PPFIA2: variants seen among roughly 807,000 people sequenced by gnomAD.
PPFIA2 encodes liprin-alpha-2.
In PPFIA2, 46 loss-of-function variants were observed where a neutral mutation model predicts 175.5. That is an observed-to-expected ratio of 0.26 (90% CI 0.21 to 0.34). The LOEUF (loss-of-function observed/expected upper bound fraction) is 0.34, where lower values mean the gene tolerates loss of function less well. PPFIA2 is among the 10% of genes least tolerant of loss of function. The pLI is 1.00. For synonymous variants in PPFIA2, 568 were observed against 511.4 expected (o/e 1.11, Z -1.49); for missense variants, 1,179 against 1,506.1 (o/e 0.78, Z 3.60).
intron 21 of PPFIA2, among the ~76,000 whole-genome samples, chr12:81,334,500 A>AT (rs990548352): frequency 5.3e-5 from 8 of 151,986 alleles, no homozygotes; most frequent in Non-Finnish European, 8.8e-5. Flanking sequence ...AAAAAAAAAA[A>AT]AAAATAAATC....
intron 21 of PPFIA2, 48 bp downstream of exon 21, chr12:81,339,132 A>G (rs2140273855): frequency 7.0e-7 from 1 of 1,438,578 alleles, no homozygotes; most frequent in African/African-American, 1.5e-5. Context: ...ATACTGTGAC[A>G]TGACTAAAAT....
chr12:81,717,947 CTG>C (rs1233946586), intron 3 of PPFIA2, among the ~76,000 whole-genome samples: 1 of 151,726 alleles, frequency 6.6e-6, no homozygotes, highest in East Asian at 2.0e-4. Flanking sequence ...GAAGTAGAAA[CTG>C]TACCACAGTT....
intron 24 of PPFIA2, among the ~76,000 whole-genome samples, chr12:81,287,580 A>C (rs1391087245): frequency 6.6e-6 from 1 of 151,944 alleles, no homozygotes; most frequent in Non-Finnish European, 1.5e-5. Flanking sequence ...GCCGACAGAA[A>C]TAGTTTCTAC....
Position 81,358,259 on chromosome 12 carries a change from T to C in PPFIA2, c.1638-42A>G, listed in dbSNP as rs780203423. Reference sequence around the variant, plus strand: ...ATATAAAATAATCCAATCTCAAAAATTAAACTTACCAGGAAATTACTATCT... The same window carrying C: ...ATATAAAATAATCCAATCTCAAAAACTAAACTTACCAGGAAATTACTATCT... On this transcript the variant is annotated intron_variant, in intron 15 of 32. Transcript: ENST00000549396. 17 of 1,530,716 alleles carry C rather than the reference T, an allele frequency of 1.1e-5. No homozygotes were observed. In the South Asian group the frequency reaches 1.7e-4, roughly 16 times the overall value. The allele number at this position is 1,530,716 out of a possible 1,614,324, so 94.8% of individuals were successfully genotyped here.
At chr12:81,287,172 C>A (rs978597764) in intron 24 of PPFIA2, among the ~76,000 whole-genome samples, 1 of 151,784 alleles carries the variant, frequency 6.6e-6, no homozygotes, top group Admixed American at 6.6e-5. Flanking sequence ...TCATTTAAGC[C>A]AATCTTAAAT....
intron 3 of PPFIA2, among the ~76,000 whole-genome samples, chr12:81,710,243 T>C (rs1303398917): frequency 6.6e-6 from 1 of 151,932 alleles, no homozygotes; most frequent in Non-Finnish European, 1.5e-5. Flanking sequence ...GATTTTTGAG[T>C]TTAGTATTAA....
At chr12:81,726,873 A>T (rs2080154983) in intron 3 of PPFIA2, among the ~76,000 whole-genome samples, 1 of 151,310 alleles carries the variant, frequency 6.6e-6, no homozygotes, top group Non-Finnish European at 1.5e-5. Flanking sequence ...AATCCCTGAG[A>T]ACCATTGAAT....
intron 22 of PPFIA2, chr12:81,302,712 C>T: frequency 2.2e-6 from 1 of 451,662 alleles, no homozygotes; most frequent in Non-Finnish European, 4.5e-6. Context: ...AGAGAAGTAA[C>T]AATTATTTAA....
At chr12:81,617,287 C>A (rs977811732) in intron 4 of PPFIA2, among the ~76,000 whole-genome samples, 2 of 152,152 alleles carry the variant, frequency 1.3e-5, no homozygotes, top group African/African-American at 4.8e-5. Context: ...ATTATCTTTT[C>A]ACATTTATCC....
intron 7 of PPFIA2, among the ~76,000 whole-genome samples, chr12:81,420,179 G>A (rs1354799586): frequency 6.6e-6 from 1 of 152,100 alleles, no homozygotes. Flanking sequence ...CTTCCCATAG[G>A]TGAGGTCTTT....
chr12:81,651,113 T>C (rs927005442), intron 4 of PPFIA2, among the ~76,000 whole-genome samples: 1 of 152,214 alleles, frequency 6.6e-6, no homozygotes, highest in African/African-American at 2.4e-5. Flanking sequence ...TTGAGGAATC[T>C]GGCTATATAG....
chr12:81,733,444 T>C (rs1231519059), intron 3 of PPFIA2, among the ~76,000 whole-genome samples: 3 of 151,646 alleles, frequency 2.0e-5, no homozygotes, highest in Admixed American at 6.6e-5. Context: ...AAAATTTTGT[T>C]AAGAGGGTAG....
intron 27 of PPFIA2, among the ~76,000 whole-genome samples, chr12:81,278,050 C>A (rs1405054617): frequency 6.6e-6 from 1 of 152,050 alleles, no homozygotes. Flanking sequence ...CAAAAGATTG[C>A]AGATGGAAAT....
chr12:81,341,834 T>G (rs1026442613), intron 19 of PPFIA2, among the ~76,000 whole-genome samples: 2 of 152,118 alleles, frequency 1.3e-5, no homozygotes, highest in Non-Finnish European at 2.9e-5. Context: ...TTATACATAC[T>G]CAGGCTATCA....
At chr12:81,676,750 C>G in intron 4 of PPFIA2, 41 bp downstream of exon 4, 1 of 1,436,672 alleles carries the variant, frequency 7.0e-7, no homozygotes, top group Non-Finnish European at 9.5e-7. Flanking sequence ...GTACACAATT[C>G]AATTCATCAA....
At chr12:81,478,629 T>C (rs1008328390) in intron 4 of PPFIA2, among the ~76,000 whole-genome samples, 1 of 152,228 alleles carries the variant, frequency 6.6e-6, no homozygotes, top group African/African-American at 2.4e-5. Context: ...TTTGTTCTTA[T>C]TGGTTTCAAA....
chr12:81,711,686 T>C (rs1218557505), intron 3 of PPFIA2, among the ~76,000 whole-genome samples: 2 of 151,184 alleles, frequency 1.3e-5, no homozygotes, highest in Non-Finnish European at 2.9e-5. Context: ...ACTTGCCTAT[T>C]AGTGCCAACA....
At chr12:81,596,694 A>G (rs1595439119) in intron 4 of PPFIA2, among the ~76,000 whole-genome samples, 1 of 152,122 alleles carries the variant, frequency 6.6e-6, no homozygotes, top group East Asian at 1.9e-4. Context: ...GCTGCAGGAT[A>G]TTGTAAGAGG....
At chr12:81,497,620 A>G (rs986160848) in intron 4 of PPFIA2, among the ~76,000 whole-genome samples, 2 of 132,266 alleles carry the variant, frequency 1.5e-5, no homozygotes, top group Admixed American at 9.6e-5. Flanking sequence ...GCTCACTGCC[A>G]CTGCAGCCTC....
Sources: allele counts gnomAD v4.1 joint callset (sites outside exome capture counted in the v4.1 genomes callset), GRCh38; gene constraint gnomAD v4.1.1; transcripts MANE v1.5; gene names NCBI Gene and HGNC (gene_info 2026-07-23, HGNC 2026-07-21).